GRM7: variants seen among roughly 807,000 people sequenced by gnomAD.
GRM7 encodes metabotropic glutamate receptor 7.
A neutral mutation model predicts 84.5 loss-of-function variants in GRM7; 35 were observed. The ratio of observed to expected loss-of-function variants is 0.41; its 90% CI spans 0.32 to 0.55. The LOEUF is 0.55. Among genes scored for constraint, GRM7 ranks in the 20% least tolerant of loss-of-function variants. GRM7 has a pLI of 0.19. For missense variants in GRM7, 1,003 were observed against 1,194.6 expected, an observed-to-expected ratio of 0.84 and a Z score of 2.36; for synonymous variants, 487 against 455.1, an observed-to-expected ratio of 1.07 and a Z score of -0.89.
chr3:7,516,041 C>A (rs1039812403), intron 7 of GRM7, among the ~76,000 whole-genome samples: 3 of 151,550 alleles, frequency 2.0e-5, no homozygotes, highest in African/African-American at 7.3e-5. Context: ...GTGGTACATG[C>A]CTGTGGTCTC....
chr3:7,622,509 C>T (rs1459214578), intron 8 of GRM7, among the ~76,000 whole-genome samples: 2 of 151,890 alleles, frequency 1.3e-5, no homozygotes, highest in African/African-American at 4.8e-5. Context: ...TTATATAATC[C>T]CACAAATAGA....
chr3:7,497,141 T>C lies in GRM7; in HGVS notation c.1515+35419T>C, dbSNP rs974602290. Among the ~76,000 whole-genome samples, 6 of 151,862 alleles carry C rather than the reference T, an allele frequency of 4.0e-5. No individual in the cohort carries two copies. The South Asian group carries it at 1.0e-3, about 26-fold the overall frequency. On this transcript the variant is annotated intron_variant, in intron 7 of 9. Coordinates refer to ENST00000357716, the MANE Select transcript of GRM7 (RefSeq NM_000844.4). ...TAGCATGGTCATGAAGTGGCTCTCT[T>C]GGTCATGAAGTGGCCATCATGATTA...
intron 7 of GRM7, among the ~76,000 whole-genome samples, chr3:7,463,433 G>C (rs1698330693): frequency 6.6e-6 from 1 of 152,102 alleles, no homozygotes; most frequent in African/African-American, 2.4e-5. Flanking sequence ...ACAAGTTTTT[G>C]TTGTTTGTTT....
intron 4 of GRM7, among the ~76,000 whole-genome samples, chr3:7,377,583 G>T (rs1049289605): frequency 2.6e-5 from 4 of 152,132 alleles, no homozygotes; most frequent in African/African-American, 9.6e-5. Context: ...GTGTTAGAAA[G>T]AAACATTAAA....
chr3:7,559,397 G>A (rs1415911562), intron 7 of GRM7: 1 of 151,928 alleles, frequency 6.6e-6, no homozygotes, highest in African/African-American at 2.4e-5. Flanking sequence ...CTGCCTCTAG[G>A]GTGGCCAGAA....
chr3:7,150,086 T>A (rs13322867), intron 2 of GRM7, among the ~76,000 whole-genome samples: 42,146 of 149,758 alleles, frequency 0.28, 7,087 homozygotes, highest in African/African-American at 0.49. Context: ...TGTGTGTGTG[T>A]GAGAGAGAGA....
At chr3:7,601,330 G>C (rs750649907) in intron 8 of GRM7, among the ~76,000 whole-genome samples, 5 of 152,122 alleles carry the variant, frequency 3.3e-5, no homozygotes, top group Non-Finnish European at 5.9e-5. Flanking sequence ...CATTTCCAAA[G>C]AGGTCTTTGG....
intron 2 of GRM7, among the ~76,000 whole-genome samples, chr3:7,284,324 G>A (rs1699355771): frequency 7.2e-6 from 1 of 139,518 alleles, no homozygotes; most frequent in Non-Finnish European, 1.5e-5. Context: ...ATATACATGA[G>A]CTCTCTTGGA....
intron 1 of GRM7, among the ~76,000 whole-genome samples, chr3:7,139,394 A>T (rs1693873369): frequency 6.6e-6 from 1 of 151,870 alleles, no homozygotes. Context: ...TGAAAAACTT[A>T]GTTTTAATTA....
At chr3:6,916,800 A>AT (rs200846604) in intron 1 of GRM7, among the ~76,000 whole-genome samples, 109 of 150,856 alleles carry the variant, frequency 7.2e-4, no homozygotes, top group African/African-American at 2.3e-3. Context: ...TTATTAATTC[A>AT]TTTTTTTTTC....
At chr3:7,718,415 G>A (rs540093720) in intron 9 of GRM7, among the ~76,000 whole-genome samples, 51 of 152,116 alleles carry the variant, frequency 3.4e-4, no homozygotes, top group African/African-American at 1.2e-3. Flanking sequence ...AAAGGGTTTA[G>A]GTATAACAAA....
rs1393813005 is a variant in GRM7 at position 6,862,223 on chromosome 3, G to C, written c.519+316G>C. Among the ~76,000 whole-genome samples, 2 of 152,058 alleles carry C rather than the reference G, an allele frequency of 1.3e-5. No homozygotes were observed. Among genetic ancestry groups the C allele is most frequent in the Non-Finnish European group, 2.9e-5 (2 of 68,014 alleles). Reference sequence around the variant, plus strand: ...TTTGCATTAGGGTGAAATATGGTCCGAAAACAGGCTCGTAAAAGTGCCAGG... The same window carrying C: ...TTTGCATTAGGGTGAAATATGGTCCCAAAACAGGCTCGTAAAAGTGCCAGG... On this transcript the variant is annotated intron_variant, in intron 1 of 9. Coordinates refer to ENST00000357716, the MANE Select transcript of GRM7 (RefSeq NM_000844.4). The surrounding 1 kb of genome is among the most constrained non-coding windows in gnomAD (Gnocchi z 5.2).
At chr3:7,649,693 A>C (rs1008227771) in intron 8 of GRM7, among the ~76,000 whole-genome samples, 1 of 152,060 alleles carries the variant, frequency 6.6e-6, no homozygotes, top group African/African-American at 2.4e-5. Flanking sequence ...GGATTTATTG[A>C]TATTTAGGTA....
rs188050674 is a variant in GRM7 at position 7,308,017 on chromosome 3, C to T, written c.1033+1365C>T. On this transcript the variant is annotated intron_variant, in intron 4 of 9. Transcript: ENST00000357716. ...TGGTTGGGGAAGATATCGTTGGATG[C>T]GAGAAGTGATAACTGGGATGAAAGT... Among the ~76,000 whole-genome samples the T allele has an allele frequency of 5.4e-3, 817 of 152,074 alleles. 2 individuals carry two copies. Among genetic ancestry groups the T allele is most frequent in the Middle Eastern group, 0.014 (4 of 294 alleles).
chr3:6,958,112 C>A (rs570050372), intron 1 of GRM7, among the ~76,000 whole-genome samples: 1 of 151,962 alleles, frequency 6.6e-6, no homozygotes, highest in African/African-American at 2.4e-5. Flanking sequence ...TATATACCCA[C>A]TAGCCATCAT....
At chr3:7,122,040 C>G (rs1693243562) in intron 1 of GRM7, among the ~76,000 whole-genome samples, 1 of 152,190 alleles carries the variant, frequency 6.6e-6, no homozygotes, top group Non-Finnish European at 1.5e-5. Flanking sequence ...AATGCTGGCA[C>G]TGTGCTCTGT....
At chr3:7,162,728 C>A (rs543082252) in intron 2 of GRM7, among the ~76,000 whole-genome samples, 18 of 57,128 alleles carry the variant, frequency 3.2e-4, no homozygotes, top group Admixed American at 1.8e-3. Flanking sequence ...TCCCATTTTT[C>A]ATTTTTTTTT....
intron 2 of GRM7, among the ~76,000 whole-genome samples, chr3:7,189,188 A>G (rs1695623341): frequency 6.6e-6 from 1 of 152,176 alleles, no homozygotes; most frequent in African/African-American, 2.4e-5. Flanking sequence ...GTATGCATGT[A>G]TCTCAATATA....
At chr3:7,471,763 T>C (rs1167648418) in intron 7 of GRM7, among the ~76,000 whole-genome samples, 1 of 152,208 alleles carries the variant, frequency 6.6e-6, no homozygotes, top group Non-Finnish European at 1.5e-5. Context: ...ATAGACATCT[T>C]TCTGGGGAGT....
Sources: allele counts gnomAD v4.1 joint callset (sites outside exome capture counted in the v4.1 genomes callset), GRCh38; gene constraint gnomAD v4.1.1; non-coding constraint Gnocchi (gnomAD v3.1); transcripts MANE v1.5; gene names NCBI Gene and HGNC (gene_info 2026-07-23, HGNC 2026-07-21).